ACO1: variants seen among roughly 807,000 people sequenced by gnomAD.
The protein encoded by ACO1 is aconitase 1.
ACO1 carries 78 observed loss-of-function variants against 105.1 expected under a neutral mutation model. The ratio of observed to expected loss-of-function variants is 0.74; its 90% CI spans 0.62 to 0.90. The LOEUF is 0.90. ACO1 is among the 40% of genes least tolerant of loss of function. ACO1 has a pLI of 0.00. For missense variants in ACO1, 965 were observed against 1,111.1 expected (o/e 0.87, Z 1.87); for synonymous variants, 364 against 397.4 (o/e 0.92, Z 1.00).
At position 32,405,572 on chromosome 9, in the gene ACO1, C is replaced by T. The variant is rs751190138; in HGVS notation, c.66C>T (p.Phe22=). The part of the protein sequence containing the change: ...LDPVQPGKKF[F]NLNKLEDSRY... ...CTGTACAACCAGGAAAGAAATTCTT[C>T]AATTTGAATAAATTGGAGGATTCAA... Residue 22 remains phenylalanine, a synonymous_variant, in exon 2 of 21, where the codon TTC becomes TTT. Transcript: ENST00000309951. 6 of 1,613,592 alleles carry T rather than the reference C, an allele frequency of 3.7e-6. 1 individual carries two copies. In the South Asian group the frequency reaches 6.6e-5, roughly 18 times the overall value.
At chr9:32,393,537 C>T (rs1236072404) in intron 1 of ACO1, among the ~76,000 whole-genome samples, 3 of 152,116 alleles carry the variant, frequency 2.0e-5, no homozygotes, top group African/African-American at 4.8e-5. Context: ...CTTGCCCTGC[C>T]TCCATTTACC....
chr9:32,429,662 G>A (rs1822182366), intron 13 of ACO1, among the ~76,000 whole-genome samples, 159 bp downstream of exon 13: 1 of 152,118 alleles, frequency 6.6e-6, no homozygotes, highest in Non-Finnish European at 1.5e-5. Context: ...GGTAACCTTG[G>A]GCAAGTTAAT....
chr9:32,444,389 G>A (rs1384205171), intron 19 of ACO1, among the ~76,000 whole-genome samples: 1 of 152,146 alleles, frequency 6.6e-6, no homozygotes, highest in Admixed American at 6.5e-5. Context: ...ACATCCTTAA[G>A]GAATCGCCAC....
At chr9:32,416,332 A>G (rs1346310815) in intron 4 of ACO1, among the ~76,000 whole-genome samples, 2 of 152,058 alleles carry the variant, frequency 1.3e-5, no homozygotes, top group Non-Finnish European at 2.9e-5. Context: ...TGACCTCGTG[A>G]TCTGCCCGCC....
At position 32,439,294 on chromosome 9, in the gene ACO1, A is replaced by C. The variant is rs1390901070; in HGVS notation, c.2248-1171A>C. Among the ~76,000 whole-genome samples, 1 of 152,234 alleles carries C rather than the reference A, an allele frequency of 6.6e-6. No individual in the cohort carries two copies. The highest frequency in any genetic ancestry group is 1.5e-5 in the Non-Finnish European group (1 of 68,038). Reference sequence around the variant, plus strand: ...TTAGAAGAAGGTTTTCACTGTTTCTATGACAGTTTCTATATTTACGAGTTC... The same window carrying C: ...TTAGAAGAAGGTTTTCACTGTTTCTCTGACAGTTTCTATATTTACGAGTTC... On this transcript the variant is annotated intron_variant, in intron 18 of 20. Coordinates refer to ENST00000309951, the MANE Select transcript of ACO1 (RefSeq NM_002197.3). The surrounding 1 kb of genome is among the most constrained non-coding windows in gnomAD (Gnocchi z 4.0).
chr9:32,403,940 T>C (rs1420388924), intron 1 of ACO1, among the ~76,000 whole-genome samples: 2 of 152,130 alleles, frequency 1.3e-5, no homozygotes, highest in South Asian at 4.1e-4. Context: ...GGGTGACAAA[T>C]GAAAGGGAGA....
At chr9:32,401,884 C>T (rs970362015) in intron 1 of ACO1, among the ~76,000 whole-genome samples, 2 of 152,228 alleles carry the variant, frequency 1.3e-5, no homozygotes, top group African/African-American at 4.8e-5. Context: ...CTGTGCTAAT[C>T]ATAACCCTGT....
intron 19 of ACO1, among the ~76,000 whole-genome samples, chr9:32,442,886 G>C (rs757903488): frequency 1.2e-4 from 19 of 152,184 alleles, no homozygotes; most frequent in Non-Finnish European, 2.5e-4. Context: ...TTAGTGGATG[G>C]TGGAATGAGA....
intron 10 of ACO1, among the ~76,000 whole-genome samples, chr9:32,425,430 T>A (rs1822069037): frequency 6.6e-6 from 1 of 152,232 alleles, no homozygotes; most frequent in African/African-American, 2.4e-5. Context: ...TTTTCTAAAT[T>A]TCCATAAGGT....
intron 1 of ACO1, among the ~76,000 whole-genome samples, chr9:32,397,227 C>G (rs533325426): frequency 6.6e-6 from 1 of 152,190 alleles, no homozygotes; most frequent in East Asian, 1.9e-4. Context: ...TAAATCCATT[C>G]TTTCTGCACC....
intron 7 of ACO1, among the ~76,000 whole-genome samples, chr9:32,419,772 A>G (rs1175321841): frequency 6.6e-6 from 1 of 152,230 alleles, no homozygotes; most frequent in African/African-American, 2.4e-5. Context: ...GCTGGAAAGT[A>G]TTAGGCTTTT....
intron 12 of ACO1, among the ~76,000 whole-genome samples, chr9:32,429,181 T>A (rs539579884): frequency 2.0e-5 from 3 of 152,316 alleles, no homozygotes; most frequent in East Asian, 3.9e-4. Context: ...TCAACTTTTT[T>A]AAATTGTTGC....
intron 19 of ACO1, chr9:32,445,696 C>G: frequency 4.4e-6 from 1 of 229,374 alleles, no homozygotes; most frequent in Non-Finnish European, 9.0e-6. Context: ...GTTCTTTTAA[C>G]TGTGATGTTA....
intron 1 of ACO1, among the ~76,000 whole-genome samples, chr9:32,404,006 T>C (rs1159012012): frequency 6.6e-6 from 1 of 151,940 alleles, no homozygotes; most frequent in Non-Finnish European, 1.5e-5. Flanking sequence ...GAATTATTAG[T>C]TTCATTTTCT....
At chr9:32,440,638 G>T (rs45508399) in intron 19 of ACO1, 51 bp downstream of exon 19, 88 of 1,589,078 alleles carry the variant, frequency 5.5e-5, no homozygotes, top group Non-Finnish European at 7.0e-5. Flanking sequence ...GAACTGGGAG[G>T]GTCCCCAGGC....
intron 2 of ACO1, among the ~76,000 whole-genome samples, chr9:32,406,029 C>G (rs1821602534): frequency 1.3e-5 from 2 of 152,056 alleles, no homozygotes; most frequent in African/African-American, 4.8e-5. Flanking sequence ...ACTGTCTTTT[C>G]CAGATAAATT....
chr9:32,409,049 A>T (rs1821677202), intron 4 of ACO1, among the ~76,000 whole-genome samples: 1 of 152,102 alleles, frequency 6.6e-6, no homozygotes, highest in Non-Finnish European at 1.5e-5. Context: ...ATATCTAGCG[A>T]TCTCTGCCTC....
At chr9:32,427,732 T>TTA (rs1338342126) in intron 12 of ACO1, among the ~76,000 whole-genome samples, 1 of 152,138 alleles carries the variant, frequency 6.6e-6, no homozygotes, top group East Asian at 1.9e-4. Flanking sequence ...ACTGTTGACT[T>TTA]TATAAACACT....
chr9:32,420,060 T>C (rs1052290945), intron 7 of ACO1, among the ~76,000 whole-genome samples: 2 of 152,224 alleles, frequency 1.3e-5, no homozygotes, highest in South Asian at 2.1e-4. Flanking sequence ...GTTCTTAAGA[T>C]GTGGAATACT....
Sources: gnomAD v4.1 joint callset for allele counts (sites outside exome capture counted in the v4.1 genomes callset) on GRCh38, gnomAD v4.1.1 for gene constraint, Gnocchi (gnomAD v3.1) non-coding constraint, MANE v1.5 for transcripts, NCBI Gene and HGNC (gene_info 2026-07-23, HGNC 2026-07-21) for gene names.